The following DOCK8 variants were observed in gnomAD, a reference collection of about 807,000 sequenced individuals.
The protein encoded by DOCK8 is dedicator of cytokinesis protein 8.
In DOCK8, 141 loss-of-function variants were observed where a neutral mutation model predicts 245.6. That is an observed-to-expected ratio of 0.57 (90% CI 0.50 to 0.66). The LOEUF (loss-of-function observed/expected upper bound fraction) is 0.66. Among genes scored for constraint, DOCK8 ranks in the 30% least tolerant of loss-of-function variants. The pLI is 0.00. For missense variants in DOCK8, 2,965 were observed against 2,603.4 expected (o/e 1.14, Z -3.02); for synonymous variants, 1,168 against 970.2 (o/e 1.20, Z -3.79).
intron 35 of DOCK8, 137 bp from the exon 36 acceptor site, chr9:429,565 C>T (rs949204919): frequency 7.0e-6 from 7 of 994,202 alleles, no homozygotes; most frequent in Non-Finnish European, 1.1e-5. Context: ...ATTCACATAG[C>T]TCATTATCTT....
chr9:328,064 A>G lies in DOCK8; in HGVS notation c.937A>G (p.Lys313Glu). 6.2e-7 allele frequency: 1 copy of G among 1,614,240 alleles called. No homozygotes were observed. Among genetic ancestry groups the G allele is most frequent in the African/African-American group, 1.3e-5 (1 of 75,080 alleles). ...FHCDLNSDQFKGFLRAHTPSV... is the reference protein window; with the variant it reads ...FHCDLNSDQFEGFLRAHTPSV... ...CTGTGACCTGAACTCTGACCAGTTC[A>G]AAGGATTTCTGCGAGCTCACACGCC... Residue 313 changes from lysine to glutamate, a missense_variant, in exon 9 of 48, where the codon AAA (lysine) becomes GAA (glutamate). Physicochemically the swap from Lys to Glu is moderately conservative, Grantham distance 56. Transcript: ENST00000432829.
At chr9:258,357 A>C (rs78955920) in intron 1 of DOCK8, among the ~76,000 whole-genome samples, 4,878 of 148,178 alleles carry the variant, frequency 0.033, 248 homozygotes, top group African/African-American at 0.11. Context: ...TGGCCTCTAA[A>C]TTGGCCAAGG....
chr9:395,401 G>A (rs1307310446), intron 24 of DOCK8, among the ~76,000 whole-genome samples: 1 of 152,110 alleles, frequency 6.6e-6, no homozygotes, highest in Non-Finnish European at 1.5e-5. Flanking sequence ...AGTGCTGCAT[G>A]CATCCTTAGA....
At chr9:308,945 C>T (rs1236517936) in intron 5 of DOCK8, among the ~76,000 whole-genome samples, 1 of 152,226 alleles carries the variant, frequency 6.6e-6, no homozygotes. Flanking sequence ...GCATGAGCCA[C>T]CGCACCTGGC....
chr9:235,654 T>C (rs1162218809), intron 1 of DOCK8, among the ~76,000 whole-genome samples: 1 of 152,156 alleles, frequency 6.6e-6, no homozygotes, highest in Non-Finnish European at 1.5e-5. Context: ...GATCTCAGAC[T>C]GCTGTGCCAG....
At chr9:269,492 T>C (rs1028320118) in intron 1 of DOCK8, among the ~76,000 whole-genome samples, 1 of 152,116 alleles carries the variant, frequency 6.6e-6, no homozygotes, top group African/African-American at 2.4e-5. Flanking sequence ...TTTTTTGGCC[T>C]TTATGAATAA....
intron 27 of DOCK8, 60 bp from the exon 28 acceptor site, chr9:406,870 C>T (rs2055447433): frequency 1.2e-6 from 2 of 1,609,112 alleles, no homozygotes; most frequent in African/African-American, 1.3e-5. Flanking sequence ...TAAACACTGG[C>T]CATCGCTATT....
chr9:437,233 A>G (rs375447206), intron 39 of DOCK8, among the ~76,000 whole-genome samples: 68 of 152,300 alleles, frequency 4.5e-4, no homozygotes, highest in South Asian at 8.3e-4. Context: ...TAGGGGCCCA[A>G]ACAATGTCAG....
intron 8 of DOCK8, 21 bp from the exon 9 acceptor site, chr9:328,001 C>T: frequency 6.2e-7 from 1 of 1,611,116 alleles, no homozygotes. Context: ...ACTTATATTT[C>T]ACTTTGCTGC....
intron 41 of DOCK8, 48 bp downstream of exon 41, chr9:441,465 A>G (rs566747547): frequency 3.7e-6 from 6 of 1,612,162 alleles, no homozygotes; most frequent in African/African-American, 2.7e-5. Flanking sequence ...GTGGCAGGCG[A>G]CCCTGTCCTA....
intron 14 of DOCK8, among the ~76,000 whole-genome samples, chr9:348,961 C>T (rs2052030263): frequency 6.6e-6 from 1 of 152,194 alleles, no homozygotes; most frequent in African/African-American, 2.4e-5. Context: ...GGTATTTTAA[C>T]AGCTCTCCTT....
chr9:402,075 C>G (rs1265460606), intron 26 of DOCK8, among the ~76,000 whole-genome samples: 2 of 152,178 alleles, frequency 1.3e-5, no homozygotes, highest in African/African-American at 2.4e-5. Context: ...GAAAGATACC[C>G]TAGATCACCA....
intron 1 of DOCK8, among the ~76,000 whole-genome samples, chr9:251,182 G>A (rs371419056): frequency 6.6e-6 from 1 of 152,126 alleles, no homozygotes; most frequent in African/African-American, 2.4e-5. Flanking sequence ...AATATTTGGT[G>A]CATTAACAGA....
At chr9:409,538 G>GA (rs1290404148) in intron 28 of DOCK8, among the ~76,000 whole-genome samples, 4 of 151,760 alleles carry the variant, frequency 2.6e-5, no homozygotes, top group Non-Finnish European at 4.4e-5. Flanking sequence ...TTGTTTGAAA[G>GA]AAAAAAATGT....
At chr9:211,607 G>T (rs983818236), upstream of DOCK8, among the ~76,000 whole-genome samples, 3 of 152,142 alleles carry the variant, frequency 2.0e-5, no homozygotes, top group African/African-American at 4.8e-5. Context: ...TTACAAAGAA[G>T]TGATATTTAT....
intron 34 of DOCK8, among the ~76,000 whole-genome samples, chr9:427,287 C>T (rs545517745): frequency 2.0e-5 from 3 of 152,068 alleles, no homozygotes; most frequent in Non-Finnish European, 2.9e-5. Context: ...TTGGGTTTAT[C>T]GTTTAGTATC....
At chr9:427,108 G>A (rs1345741274) in intron 34 of DOCK8, 127 bp downstream of exon 34, 3 of 806,744 alleles carry the variant, frequency 3.7e-6, no homozygotes, top group Admixed American at 2.1e-5. Context: ...AAAAAATGAA[G>A]TTGAGAAGTT....
intron 1 of DOCK8, among the ~76,000 whole-genome samples, chr9:256,606 T>C (rs1297948231): frequency 6.6e-6 from 1 of 152,164 alleles, no homozygotes; most frequent in Non-Finnish European, 1.5e-5. Flanking sequence ...GGGGTCTGGG[T>C]ACTTTTCCTT....
At chr9:384,788 C>T (rs552145816) in intron 22 of DOCK8, among the ~76,000 whole-genome samples, 21 of 152,068 alleles carry the variant, frequency 1.4e-4, no homozygotes, top group African/African-American at 2.9e-4. Context: ...TGGTGGCGGG[C>T]GCCTGTAATC....
Sources: allele counts gnomAD v4.1 joint callset (sites outside exome capture counted in the v4.1 genomes callset), GRCh38; gene constraint gnomAD v4.1.1; transcripts MANE v1.5; gene names NCBI Gene and HGNC (gene_info 2026-07-23, HGNC 2026-07-21).